Variants in UGT1A8 observed in about 807,000 individuals in gnomAD.
UGT1A8 encodes UDP-glucuronosyltransferase 1A8.
Under a neutral mutation model 45.3 loss-of-function variants are expected in UGT1A8, and 39 were observed. The observed-to-expected ratio is 0.86, with a 90% CI of 0.67 to 1.12. The LOEUF (loss-of-function observed/expected upper bound fraction) is 1.12, where lower values mean the gene tolerates loss of function less well. Ranked by LOEUF, UGT1A8 falls within the 50% of genes most tolerant of loss-of-function variation. The pLI is 0.00. For missense variants in UGT1A8, 719 were observed against 664.9 expected (o/e 1.08, Z -0.90); for synonymous variants, 275 against 249.2 (o/e 1.10, Z -0.97).
intron 1 of UGT1A8, among the ~76,000 whole-genome samples, chr2:233,695,542 T>A (rs1238295207): frequency 3.9e-5 from 6 of 152,256 alleles, no homozygotes; most frequent in African/African-American, 1.4e-4. Context: ...TTTTCTTTTT[T>A]AAATTTTAAC....
rs1294675830 is a variant in UGT1A8 at position 233,743,947 on chromosome 2, T to C, written c.856-23087T>C. The C allele has an allele frequency of 8.9e-6, 12 of 1,348,380 alleles. No individual in the cohort carries two copies. In the Admixed American group the frequency reaches 2.3e-4, roughly 26 times the overall value. The allele number at this position is 1,348,380 out of a possible 1,614,324, so 83.5% of individuals were successfully genotyped here. A position where few individuals can be genotyped will look rare whatever the true frequency, so the allele number is the denominator to read the frequency against. Reference sequence around the variant, plus strand: ...ATGGCCAGAACGGCCCACCAGGCACTGGCACAGCGAGCGGCAAGGCTGCCA... The same window carrying C: ...ATGGCCAGAACGGCCCACCAGGCACCGGCACAGCGAGCGGCAAGGCTGCCA... On this transcript the variant is annotated intron_variant, in intron 1 of 4. Coordinates refer to ENST00000373450, the MANE Select transcript of UGT1A8 (RefSeq NM_019076.5).
At chr2:233,725,353 T>G in intron 1 of UGT1A8, among the ~76,000 whole-genome samples, 1 of 141,520 alleles carries the variant, frequency 7.1e-6, no homozygotes, top group African/African-American at 2.6e-5. Flanking sequence ...TAAGAATGTT[T>G]CTTATGAAGA....
At chr2:233,637,383 T>C in intron 1 of UGT1A8, 1 of 1,610,770 alleles carries the variant, frequency 6.2e-7, no homozygotes, top group Non-Finnish European at 8.5e-7. Flanking sequence ...CTATGGTAAG[T>C]CACCTCTCCT....
chr2:233,627,547 A>G (rs2073105883), intron 1 of UGT1A8, among the ~76,000 whole-genome samples: 1 of 152,028 alleles, frequency 6.6e-6, no homozygotes, highest in South Asian at 2.1e-4. Flanking sequence ...AACGTATTTC[A>G]GAAAAAAATG....
chr2:233,673,807 ACTTAT>A (rs767880622), intron 1 of UGT1A8, among the ~76,000 whole-genome samples: 41 of 152,120 alleles, frequency 2.7e-4, no homozygotes, highest in Non-Finnish European at 4.7e-4. Context: ...CACATTACTA[ACTTAT>A]CTTATTATTT....
chr2:233,744,268 G>A (rs975143580), intron 1 of UGT1A8, among the ~76,000 whole-genome samples: 1 of 151,806 alleles, frequency 6.6e-6, no homozygotes, highest in Non-Finnish European at 1.5e-5. Context: ...TTTTCTTAAA[G>A]TAGGCTTTAT....
At chr2:233,681,861 T>A in intron 1 of UGT1A8, 1 of 1,529,146 alleles carries the variant, frequency 6.5e-7, no homozygotes. Context: ...GAGGGCAGGT[T>A]CTATCTGTAC....
At chr2:233,638,839 C>T (rs1559319782) in intron 1 of UGT1A8, among the ~76,000 whole-genome samples, 2 of 152,174 alleles carry the variant, frequency 1.3e-5, no homozygotes, top group East Asian at 3.8e-4. Context: ...AGGAAGACTA[C>T]AGTTGTAGGC....
intron 1 of UGT1A8, chr2:233,761,087 C>G (rs141950052): frequency 6.2e-7 from 1 of 1,614,018 alleles, no homozygotes; most frequent in Non-Finnish European, 8.5e-7. Flanking sequence ...TACCCTAGGC[C>G]CATCATGCCC....
At chr2:233,715,699 G>A (rs1160022726) in intron 1 of UGT1A8, among the ~76,000 whole-genome samples, 1 of 152,162 alleles carries the variant, frequency 6.6e-6, no homozygotes, top group Non-Finnish European at 1.5e-5. Flanking sequence ...TTGATCCCAG[G>A]AGGTGGAGGC....
chr2:233,711,464 C>G (rs2076182225), intron 1 of UGT1A8, among the ~76,000 whole-genome samples: 1 of 152,182 alleles, frequency 6.6e-6, no homozygotes, highest in South Asian at 2.1e-4. Context: ...AGGAATAGTT[C>G]AGAGGCTGAG....
chr2:233,688,966 C>T (rs1036860772), intron 1 of UGT1A8, among the ~76,000 whole-genome samples: 10 of 152,172 alleles, frequency 6.6e-5, no homozygotes, highest in Non-Finnish European at 1.3e-4. Flanking sequence ...GGAATCATAG[C>T]ATGTTCTTTC....
chr2:233,682,266 C>G, intron 1 of UGT1A8: 1 of 1,614,182 alleles, frequency 6.2e-7, no homozygotes, highest in African/African-American at 1.3e-5. Flanking sequence ...TCTCTATTAA[C>G]AAGTTCATCC....
intron 1 of UGT1A8, chr2:233,741,807 T>C (rs561601493): frequency 6.6e-6 from 1 of 152,052 alleles, no homozygotes; most frequent in South Asian, 2.1e-4. Context: ...ATGCTGCTCT[T>C]AATTTTTTTC....
At chr2:233,743,497 A>C (rs1692318154) in intron 1 of UGT1A8, 1 of 1,367,094 alleles carries the variant, frequency 7.3e-7, no homozygotes, top group Admixed American at 1.9e-5. Context: ...GGCAGAGAAA[A>C]GGGGTGCAGA....
At chr2:233,730,541 T>A (rs1015263117) in intron 1 of UGT1A8, among the ~76,000 whole-genome samples, 1 of 152,098 alleles carries the variant, frequency 6.6e-6, no homozygotes, top group African/African-American at 2.4e-5. Context: ...TTGGGATGGA[T>A]GTCTGTGATT....
intron 1 of UGT1A8, among the ~76,000 whole-genome samples, chr2:233,667,903 G>C (rs995254383): frequency 6.6e-6 from 1 of 152,190 alleles, no homozygotes; most frequent in African/African-American, 2.4e-5. Flanking sequence ...AGAGGATGTG[G>C]AGAAATAGGA....
chr2:233,635,742 G>T lies in UGT1A8; in HGVS notation c.855+17180G>T, dbSNP rs149873740. Among the ~76,000 whole-genome samples, 6 of 151,124 alleles carry T rather than the reference G, an allele frequency of 4.0e-5. 1 individual carries two copies. Among genetic ancestry groups the T allele is most frequent in the African/African-American group, 1.5e-4 (6 of 40,946 alleles). ...GAGACAAGTACATATTTTCCTGAAA[G>T]AGGTCACTGGAGTGATGGTGTGTTT... is the stretch of plus-strand genomic sequence containing the variant. On this transcript the variant is annotated intron_variant, in intron 1 of 4. Transcript: ENST00000373450.
At position 233,647,451 on chromosome 2, in the gene UGT1A8, G is replaced by T. The variant is rs182094781; in HGVS notation, c.855+28889G>T. Among the ~76,000 whole-genome samples the T allele has an allele frequency of 1.9e-3, 285 of 152,292 alleles. 1 individual carries two copies. The highest frequency in any genetic ancestry group is 2.6e-3 in the Non-Finnish European group (177 of 68,032). Reference sequence around the variant, plus strand: ...TTCTGTTTTCCGGACTAGATTGTGAGAAATTGGTATTATTTCTTCCTTCAG... The same window carrying T: ...TTCTGTTTTCCGGACTAGATTGTGATAAATTGGTATTATTTCTTCCTTCAG... On this transcript the variant is annotated intron_variant, in intron 1 of 4. Coordinates refer to ENST00000373450, the MANE Select transcript of UGT1A8 (RefSeq NM_019076.5).
Sources: gnomAD v4.1 joint callset for allele counts (sites outside exome capture counted in the v4.1 genomes callset) on GRCh38, gnomAD v4.1.1 for gene constraint, MANE v1.5 for transcripts, NCBI Gene and HGNC (gene_info 2026-07-23, HGNC 2026-07-21) for gene names.